The following PRORP variants were observed in gnomAD, a reference collection of about 807,000 sequenced individuals.
The protein encoded by PRORP is protein only RNase P catalytic subunit.
A neutral mutation model predicts 59.4 loss-of-function variants in PRORP; 51 were observed. That is an observed-to-expected ratio of 0.86 (90% CI 0.69 to 1.08). The LOEUF (loss-of-function observed/expected upper bound fraction) is 1.08, where lower values mean the gene tolerates loss of function less well. PRORP is among the 50% of genes least tolerant of loss of function. The pLI, the probability that PRORP is intolerant of heterozygous loss-of-function variation, is 0.00. For synonymous variants in PRORP, 231 were observed against 245.6 expected, an observed-to-expected ratio of 0.94 and a Z score of 0.55; for missense variants, 646 against 690.3, an observed-to-expected ratio of 0.94 and a Z score of 0.72.
At chr14:35,129,924 C>T (rs1422157202) in intron 4 of PRORP, among the ~76,000 whole-genome samples, 2 of 152,134 alleles carry the variant, frequency 1.3e-5, no homozygotes, top group African/African-American at 4.8e-5. Flanking sequence ...ACTTTGTCTC[C>T]CTGCTTTTTA....
At chr14:35,182,396 GCA>G (rs2048635702) in intron 5 of PRORP, among the ~76,000 whole-genome samples, 1 of 152,120 alleles carries the variant, frequency 6.6e-6, no homozygotes, top group African/African-American at 2.4e-5. Flanking sequence ...TGTAATCCCA[GCA>G]CTTTGGGAGG....
At chr14:35,250,141 G>A (rs537932633) in intron 5 of PRORP, among the ~76,000 whole-genome samples, 5 of 152,074 alleles carry the variant, frequency 3.3e-5, no homozygotes, top group South Asian at 4.2e-4. Context: ...CCAGCTACTC[G>A]GGAGGCTGAG....
intron 5 of PRORP, among the ~76,000 whole-genome samples, chr14:35,205,953 A>G (rs1037220758): frequency 2.6e-5 from 4 of 152,174 alleles, no homozygotes; most frequent in Admixed American, 2.6e-4. Context: ...GAAGCTTACT[A>G]TAATCTCTGT....
chr14:35,263,594 A>C (rs1279235345), intron 5 of PRORP, among the ~76,000 whole-genome samples: 1 of 152,190 alleles, frequency 6.6e-6, no homozygotes, highest in South Asian at 2.1e-4. Context: ...AGGCTGAGGT[A>C]GGAGAATCGC....
chr14:35,240,383 A>G (rs1193066949), intron 5 of PRORP, among the ~76,000 whole-genome samples: 3 of 134,844 alleles, frequency 2.2e-5, no homozygotes, highest in African/African-American at 8.5e-5. Context: ...CTACATGTGT[A>G]TGCACACATG....
intron 5 of PRORP, among the ~76,000 whole-genome samples, chr14:35,190,778 C>T (rs1052379867): frequency 6.6e-6 from 1 of 152,262 alleles, no homozygotes; most frequent in South Asian, 2.1e-4. Context: ...GCTGGGATTA[C>T]AGGCATGAGC....
At chr14:35,124,884 T>C (rs1167067960) in intron 2 of PRORP, among the ~76,000 whole-genome samples, 1 of 151,210 alleles carries the variant, frequency 6.6e-6, no homozygotes, top group Non-Finnish European at 1.5e-5. Context: ...TTTTTTTTTT[T>C]TGAGACGGAG....
intron 4 of PRORP, among the ~76,000 whole-genome samples, chr14:35,168,546 G>A (rs1314642560): frequency 6.6e-6 from 1 of 151,844 alleles, no homozygotes; most frequent in Admixed American, 6.6e-5. Flanking sequence ...TAGTTGTCAT[G>A]TTTCTTTGGT....
intron 5 of PRORP, among the ~76,000 whole-genome samples, chr14:35,181,017 C>T (rs1193409716): frequency 6.6e-6 from 1 of 152,152 alleles, no homozygotes; most frequent in Non-Finnish European, 1.5e-5. Flanking sequence ...GATTGCAATA[C>T]AGGGCCAGAT....
At chr14:35,261,990 C>T (rs1237393973) in intron 5 of PRORP, among the ~76,000 whole-genome samples, 1 of 152,112 alleles carries the variant, frequency 6.6e-6, no homozygotes, top group Non-Finnish European at 1.5e-5. Flanking sequence ...TCAAGATAGG[C>T]TTTTCTGCTC....
chr14:35,273,555 C>T lies in PRORP; in HGVS notation c.1741C>T (p.Gln581Ter). 6.2e-7 allele frequency: 1 copy of T among 1,612,842 alleles called. No homozygotes were observed. Among genetic ancestry groups the T allele is most frequent in the South Asian group, 1.1e-5 (1 of 90,798 alleles). The change falls in exon 8 of 8, where the codon CAA becomes TAA. Residue 581 changes from glutamine to a stop codon, truncating the protein, a stop_gained. Coordinates refer to ENST00000534898, the MANE Select transcript of PRORP (RefSeq NM_014672.4). LOFTEE classifies it high-confidence loss of function. The stretch of plus-strand genomic sequence containing the variant: ...ACCAACCAAATGGCTTTGCCTCCAC[C>T]AAAAGACATAGAGATTCTTACCTCT... ...EVPTKWLCLH[Q>*]KT
chr14:35,154,971 C>T (rs34319196), intron 4 of PRORP, among the ~76,000 whole-genome samples: 29,144 of 152,050 alleles, frequency 0.19, 3,341 homozygotes, highest in Non-Finnish European at 0.27. Context: ...CACAGCTCAC[C>T]ACAGCCTCAA....
chr14:35,177,946 C>T (rs2048496593), intron 4 of PRORP, among the ~76,000 whole-genome samples: 1 of 152,168 alleles, frequency 6.6e-6, no homozygotes, highest in Non-Finnish European at 1.5e-5. Flanking sequence ...TATGTTTTGT[C>T]TTTGTTCTCA....
intron 5 of PRORP, among the ~76,000 whole-genome samples, chr14:35,251,790 G>A (rs963197763): frequency 6.6e-6 from 1 of 151,870 alleles, no homozygotes; most frequent in African/African-American, 2.4e-5. Flanking sequence ...TCCTGACCTC[G>A]TGATCCACCC....
chr14:35,218,650 C>T (rs1431864144), intron 5 of PRORP, among the ~76,000 whole-genome samples: 1 of 151,274 alleles, frequency 6.6e-6, no homozygotes, highest in Non-Finnish European at 1.5e-5. Flanking sequence ...CCTCAGCCTC[C>T]CGAGTAGTTT....
chr14:35,216,618 T>C (rs1180793004), intron 5 of PRORP, among the ~76,000 whole-genome samples: 3 of 152,196 alleles, frequency 2.0e-5, no homozygotes, highest in Non-Finnish European at 2.9e-5. Flanking sequence ...TTTGTGCCTG[T>C]TTTTGTGTTG....
chr14:35,257,857 A>G (rs2050798599), intron 5 of PRORP, among the ~76,000 whole-genome samples: 1 of 152,200 alleles, frequency 6.6e-6, no homozygotes, highest in Non-Finnish European at 1.5e-5. Context: ...AAGGAAGTTA[A>G]CATTTGCTGT....
chr14:35,178,459 G>C (rs2048511146), intron 4 of PRORP, among the ~76,000 whole-genome samples: 1 of 152,164 alleles, frequency 6.6e-6, no homozygotes, highest in Non-Finnish European at 1.5e-5. Context: ...AGGATAGTTA[G>C]CTCTTCTTGT....
chr14:35,169,894 TCA>T lies in PRORP; in HGVS notation c.1168-10775_1168-10774del, dbSNP rs58315771. Among the ~76,000 whole-genome samples the T allele has an allele frequency of 9.9e-4, 151 of 152,348 alleles. 1 individual carries two copies. The highest frequency in any genetic ancestry group is 3.5e-3 in the African/African-American group (146 of 41,584). ...TCCTCACTGATTTTTATCTACTTGT[TCA>T]ATCAATTATGCAGAGAAGAGTGTTG... On this transcript the variant is annotated intron_variant, in intron 4 of 7. Transcript: ENST00000534898.
Sources: gnomAD v4.1 joint callset for allele counts (sites outside exome capture counted in the v4.1 genomes callset) on GRCh38, gnomAD v4.1.1 for gene constraint, MANE v1.5 for transcripts, NCBI Gene and HGNC (gene_info 2026-07-23, HGNC 2026-07-21) for gene names.